The following SLC39A10 variants were observed in gnomAD, a reference collection of about 807,000 sequenced individuals.
The protein encoded by SLC39A10 is zinc transporter ZIP10.
Under a neutral mutation model 65.1 loss-of-function variants are expected in SLC39A10, and 13 were observed. That is an observed-to-expected ratio of 0.20 (90% confidence interval 0.13 to 0.32). SLC39A10 has a LOEUF of 0.32. SLC39A10 is among the 10% of genes least tolerant of loss of function. The pLI, the probability that SLC39A10 is intolerant of heterozygous loss-of-function variation, is 1.00. For missense variants in SLC39A10, 831 were observed against 1,018.4 expected (o/e 0.82, Z 2.50); for synonymous variants, 321 against 342.2 (o/e 0.94, Z 0.68).
intron 1 of SLC39A10, among the ~76,000 whole-genome samples, chr2:195,664,257 G>A (rs905139347): frequency 3.3e-5 from 5 of 152,032 alleles, no homozygotes; most frequent in African/African-American, 9.7e-5. Flanking sequence ...TGATATGTGT[G>A]TGAAAGTGTT....
At chr2:195,675,792 C>A (rs1490166744) in intron 1 of SLC39A10, among the ~76,000 whole-genome samples, 1 of 152,170 alleles carries the variant, frequency 6.6e-6, no homozygotes, top group Non-Finnish European at 1.5e-5. Context: ...TAAAATGGAA[C>A]TTGGGGGCTG....
At chr2:195,615,124 G>A (rs1005992657) in intron 2 of SLC39A10, among the ~76,000 whole-genome samples, 2 of 152,184 alleles carry the variant, frequency 1.3e-5, no homozygotes, top group Non-Finnish European at 2.9e-5. Context: ...TAGATACTGG[G>A]TAGTGAATGT....
chr2:195,650,836 G>C (rs1689015274), intron 2 of SLC39A10, among the ~76,000 whole-genome samples: 1 of 151,846 alleles, frequency 6.6e-6, no homozygotes. Context: ...CCCTGCCTTC[G>C]TGTGCCCATC....
intron 8 of SLC39A10, among the ~76,000 whole-genome samples, chr2:195,727,701 T>G (rs960104500): frequency 6.6e-6 from 1 of 152,156 alleles, no homozygotes; most frequent in Non-Finnish European, 1.5e-5. Context: ...TTGTAAAAAT[T>G]TGACATTTAA....
Position 195,725,355 on chromosome 2 carries a change from G to T in SLC39A10, c.2147-2804G>T, listed in dbSNP as rs138491665. ...GCCACAAACTGGGACAAAATATTTG[G>T]ACAATACATATCTGACAAAAGACTT... is the stretch of plus-strand genomic sequence containing the variant. On this transcript the variant is annotated intron_variant, in intron 8 of 9. Coordinates refer to ENST00000359634, the MANE Select transcript of SLC39A10 (RefSeq NM_020342.3). Among the ~76,000 whole-genome samples the T allele has an allele frequency of 4.6e-5, 7 of 152,168 alleles. No homozygotes were observed. The East Asian group carries it at 1.3e-3, about 29-fold the overall frequency.
At chr2:195,650,282 C>CA (rs35680880) in intron 2 of SLC39A10, among the ~76,000 whole-genome samples, 3,618 of 118,206 alleles carry the variant, frequency 0.031, 135 homozygotes, top group East Asian at 0.19. Flanking sequence ...ACTCCTCCTC[C>CA]AAAAAAAAAA....
chr2:195,729,542 C>T (rs1305351111), intron 9 of SLC39A10, among the ~76,000 whole-genome samples: 1 of 152,180 alleles, frequency 6.6e-6, no homozygotes, highest in African/African-American at 2.4e-5. Flanking sequence ...TACATTCTTT[C>T]CTGTTACCAA....
At chr2:195,687,513 A>G (rs1690573092) in intron 3 of SLC39A10, among the ~76,000 whole-genome samples, 1 of 152,216 alleles carries the variant, frequency 6.6e-6, no homozygotes, top group Non-Finnish European at 1.5e-5. Context: ...CCTTAGAGGA[A>G]ATTGTACTTG....
At chr2:195,713,401 A>G (rs750353789) in intron 5 of SLC39A10, 32 bp from the exon 6 acceptor site, 2 of 1,486,624 alleles carry the variant, frequency 1.3e-6, no homozygotes, top group Non-Finnish European at 1.8e-6. Flanking sequence ...ATTTTATACT[A>G]ATATCAGATA....
In SLC39A10 at chr2:195,680,551, A is replaced by T. The variant is rs942689494; in HGVS notation, c.509A>T (p.His170Leu). 1.2e-6 allele frequency: 2 copies of T among 1,614,098 alleles called. No individual in the cohort carries two copies. The highest frequency in any genetic ancestry group is 1.7e-6 in the Non-Finnish European group (2 of 1,180,056). Residue 170 changes from histidine to leucine, a missense_variant, in exon 2 of 10, where the codon CAT becomes CTT. His to Leu is a moderately conservative substitution (Grantham distance 99, BLOSUM62 -3). Coordinates refer to ENST00000359634, the MANE Select transcript of SLC39A10 (RefSeq NM_020342.3). Reference protein sequence around the residue: ...VEVSVKSDDKHMHDHNHRLRH... With the variant: ...VEVSVKSDDKLMHDHNHRLRH... The stretch of plus-strand genomic sequence containing the variant: ...GTGTCTGTAAAATCTGATGATAAAC[A>T]TATGCATGACCATAATCACCGCCTA...
intron 2 of SLC39A10, among the ~76,000 whole-genome samples, chr2:195,647,664 C>T (rs926283503): frequency 2.0e-5 from 3 of 146,860 alleles, no homozygotes; most frequent in Non-Finnish European, 3.0e-5. Context: ...ACTTGCCATG[C>T]GATACTGTAA....
At position 195,660,970 on chromosome 2, in the gene SLC39A10, A is replaced by G. The variant is rs113984909; in HGVS notation, c.-12+3689A>G. Among the ~76,000 whole-genome samples the G allele has an allele frequency of 2.6e-3, 398 of 152,246 alleles. 1 individual carries two copies. The highest frequency in any genetic ancestry group is 9.4e-3 in the African/African-American group (392 of 41,572). On this transcript the variant is annotated intron_variant, in intron 1 of 9. Transcript: ENST00000359634. ...TATTTTCTATGACTTTTATAGAATGATTCTTAAAAAATAGTTTCAAGGACC... is the reference window on the plus strand; with the variant it reads ...TATTTTCTATGACTTTTATAGAATGGTTCTTAAAAAATAGTTTCAAGGACC...
At chr2:195,708,411 A>C (rs1197014683) in intron 4 of SLC39A10, among the ~76,000 whole-genome samples, 3 of 152,190 alleles carry the variant, frequency 2.0e-5, no homozygotes, top group Non-Finnish European at 4.4e-5. Flanking sequence ...TCACTGTAGT[A>C]TGTATCTTAT....
chr2:195,649,587 C>T (rs1688991064), intron 2 of SLC39A10, among the ~76,000 whole-genome samples: 1 of 152,052 alleles, frequency 6.6e-6, no homozygotes, highest in African/African-American at 2.4e-5. Context: ...ACAAATGAGC[C>T]TTTTTAAAAA....
intron 2 of SLC39A10, among the ~76,000 whole-genome samples, chr2:195,622,345 G>A (rs574293609): frequency 1.3e-5 from 2 of 152,194 alleles, no homozygotes; most frequent in South Asian, 2.1e-4. Flanking sequence ...TAGCCTGGGC[G>A]ACAAGAGTGA....
At position 195,644,183 on chromosome 2, in the gene SLC39A10, T is replaced by G. The variant is rs183722626; in HGVS notation, c.-11-35849T>G. 3.4e-3 allele frequency among the ~76,000 whole-genome samples: 519 copies of G among 151,738 alleles called. 2 individuals carry two copies. Among genetic ancestry groups the G allele is most frequent in the African/African-American group, 0.012 (500 of 41,320 alleles). On this transcript the variant is annotated intron_variant, in intron 2 of 2. Coordinates refer to the SLC39A10 transcript ENST00000458054. The stretch of plus-strand genomic sequence containing the variant: ...TTTAATTTCCTTCCAAGAGGATGGA[T>G]TCGTTTTGGAATGGAGCCAATTAAT...
intron 8 of SLC39A10, among the ~76,000 whole-genome samples, chr2:195,720,075 C>T (rs1691971977): frequency 6.6e-6 from 1 of 152,084 alleles, no homozygotes; most frequent in South Asian, 2.1e-4. Context: ...CAGGCATGAG[C>T]CACTGCGCCC....
At chr2:195,704,099 T>C (rs922382461) in intron 3 of SLC39A10, among the ~76,000 whole-genome samples, 1 of 152,230 alleles carries the variant, frequency 6.6e-6, no homozygotes, top group African/African-American at 2.4e-5. Context: ...GGGTCTTGTC[T>C]GTAGTTCTGG....
Position 195,728,185 on chromosome 2 carries a change from G to C in SLC39A10, c.2173G>C (p.Gly725Arg). ...AGATTTTGCAGTTCTTCTTAAAGCA[G>C]GCATGACTGTAAAGCAAGCAATTGT... ...LGDFAVLLKA[G>R]MTVKQAIVYN... The change falls in exon 9 of 10, where the codon GGC (glycine) becomes CGC (arginine). Residue 725 changes from glycine to arginine, a missense_variant. Around this residue, in one of 4 missense-constraint regions of SLC39A10, gnomAD observed 120 missense variants for 203.9 expected, o/e 0.59. Coordinates refer to ENST00000359634, the MANE Select transcript of SLC39A10 (RefSeq NM_020342.3). This position sits in a 1 kb window ranked among gnomAD's most constrained non-coding sequence, Gnocchi z 4.4. The C allele has an allele frequency of 1.2e-6, 2 of 1,613,154 alleles. No individual in the cohort carries two copies. The highest frequency in any genetic ancestry group is 1.7e-6 in the Non-Finnish European group (2 of 1,179,382).
Sources: allele counts gnomAD v4.1 joint callset (sites outside exome capture counted in the v4.1 genomes callset), GRCh38; gene constraint gnomAD v4.1.1; regional missense constraint gnomAD v4.1.1; non-coding constraint Gnocchi (gnomAD v3.1); transcripts MANE v1.5; gene names NCBI Gene and HGNC (gene_info 2026-07-23, HGNC 2026-07-21).